ATF7: variants seen among roughly 807,000 people sequenced by gnomAD.
ATF7 encodes the protein activating transcription factor 7, also known as cyclic AMP-dependent transcription factor ATF-7.
Under a neutral mutation model 50.4 loss-of-function variants are expected in ATF7, and 10 were observed. That is an observed-to-expected ratio of 0.20 (90% CI 0.12 to 0.34). The LOEUF (loss-of-function observed/expected upper bound fraction) is 0.34, where lower values mean the gene tolerates loss of function less well. ATF7 is among the 10% of genes least tolerant of loss of function. The pLI is 1.00. For missense variants in ATF7, 465 were observed against 613.9 expected (o/e 0.76, Z 2.56); for synonymous variants, 201 against 226.4 (o/e 0.89, Z 1.01).
At chr12:53,599,582 C>G (rs973999676) in intron 2 of ATF7, among the ~76,000 whole-genome samples, 3 of 151,812 alleles carry the variant, frequency 2.0e-5, no homozygotes, top group Non-Finnish European at 4.4e-5. Context: ...GAATATGATG[C>G]CTTTTTTGGT....
At chr12:53,625,179 C>A (rs1302671916) in intron 1 of ATF7, among the ~76,000 whole-genome samples, 1 of 152,178 alleles carries the variant, frequency 6.6e-6, no homozygotes, top group African/African-American at 2.4e-5. Flanking sequence ...GAGAACATAA[C>A]AAGCAATTCA....
intron 6 of ATF7, among the ~76,000 whole-genome samples, 153 bp from the exon 7 acceptor site, chr12:53,533,412 G>T (rs921948430): frequency 5.3e-5 from 8 of 152,222 alleles, no homozygotes; most frequent in African/African-American, 1.9e-4. Context: ...AGGTGAGAAG[G>T]CAGGGAATCC....
chr12:53,604,953 T>G (rs568409707), intron 1 of ATF7, among the ~76,000 whole-genome samples: 1 of 152,338 alleles, frequency 6.6e-6, no homozygotes, highest in South Asian at 2.1e-4. Flanking sequence ...TCATTAAGAA[T>G]GATGGCTTAA....
In ATF7 at chr12:53,523,435, T is replaced by C. The variant is rs569183284; in HGVS notation, c.1126-51A>G. Reference sequence around the variant, plus strand: ...ATCAAGAAAATTCATCCTCTACTCTTGCACCCTCAGTGGCTGTTCCCAAAG... The same window carrying C: ...ATCAAGAAAATTCATCCTCTACTCTCGCACCCTCAGTGGCTGTTCCCAAAG... On this transcript the variant is annotated intron_variant, in intron 10 of 11. Coordinates refer to ENST00000420353, the MANE Select transcript of ATF7 (RefSeq NM_006856.3). The C allele has an allele frequency of 2.2e-6, 3 of 1,339,110 alleles. No homozygotes were observed. The African/African-American group carries it at 4.3e-5, about 19-fold the overall frequency. The allele number at this position is 1,339,110 out of a possible 1,614,324, so 83.0% of individuals were successfully genotyped here.
chr12:53,579,529 G>A (rs1472056205), intron 2 of ATF7, among the ~76,000 whole-genome samples: 1 of 149,192 alleles, frequency 6.7e-6, no homozygotes, highest in Non-Finnish European at 1.5e-5. Context: ...TCCACCCTGG[G>A]AGACAGTGCG....
chr12:53,580,859 C>T (rs1427193806), intron 2 of ATF7, among the ~76,000 whole-genome samples: 1 of 151,692 alleles, frequency 6.6e-6, no homozygotes, highest in African/African-American at 2.4e-5. Flanking sequence ...CACCTGTAAC[C>T]CCAGCACTTT....
chr12:53,594,973 T>C (rs1036156133), intron 2 of ATF7, among the ~76,000 whole-genome samples: 6 of 152,032 alleles, frequency 3.9e-5, no homozygotes, highest in Admixed American at 3.9e-4. Context: ...CACAGGTTAC[T>C]GCAGCATCCA....
intron 1 of ATF7, among the ~76,000 whole-genome samples, chr12:53,616,597 C>T (rs1944128089): frequency 6.6e-6 from 1 of 152,096 alleles, no homozygotes; most frequent in Admixed American, 6.6e-5. Flanking sequence ...ACTTTATGCA[C>T]ATTCTGGTTT....
intron 2 of ATF7, among the ~76,000 whole-genome samples, chr12:53,588,337 C>T (rs971073278): frequency 6.6e-6 from 1 of 152,078 alleles, no homozygotes; most frequent in Non-Finnish European, 1.5e-5. Context: ...GGATGTGAGA[C>T]CTGAGTGGAG....
intron 2 of ATF7, among the ~76,000 whole-genome samples, chr12:53,554,463 A>G (rs1470059065): frequency 6.6e-6 from 1 of 151,084 alleles, no homozygotes; most frequent in African/African-American, 2.4e-5. Flanking sequence ...GGGTGTGGTG[A>G]TGCTCACCTG....
intron 3 of ATF7, among the ~76,000 whole-genome samples, chr12:53,545,388 C>G (rs1258236666): frequency 6.6e-6 from 1 of 152,164 alleles, no homozygotes; most frequent in Non-Finnish European, 1.5e-5. Flanking sequence ...GGCGCAATCT[C>G]AGCTCACTGC....
Position 53,573,944 on chromosome 12 carries a change from C to T in ATF7, c.49-21307G>A, listed in dbSNP as rs547665693. Among the ~76,000 whole-genome samples, 339 of 152,322 alleles carry T rather than the reference C, an allele frequency of 2.2e-3. 2 individuals are homozygous for T. The highest frequency in any genetic ancestry group is 7.9e-3 in the African/African-American group (330 of 41,572). ...ACCAAAATATTGAGACCTAATCATA[C>T]GACAGTAGAACACTTCCAGTTCCCC... On this transcript the variant is annotated intron_variant, in intron 2 of 11. Coordinates refer to ENST00000420353, the MANE Select transcript of ATF7 (RefSeq NM_006856.3).
chr12:53,588,141 C>T (rs756781578), intron 2 of ATF7, among the ~76,000 whole-genome samples: 3 of 152,058 alleles, frequency 2.0e-5, no homozygotes, highest in South Asian at 4.1e-4. Flanking sequence ...TGAGCCACTG[C>T]GCCCGGCCAC....
At position 53,523,357 on chromosome 12, in the gene ATF7, C is replaced by A; in HGVS notation, c.1153G>T (p.Val385Leu). Residue 385 changes from valine (V) to leucine (L), a missense_variant, in exon 11 of 12, where the codon GTG becomes TTG. Val to Leu is a conservative substitution (Grantham distance 32, BLOSUM62 1). Coordinates refer to ENST00000420353, the MANE Select transcript of ATF7 (RefSeq NM_006856.3). ...SNEVTLLRNE[V>L]AQLKQLLLAH... ...AACAGTAGCTGTTTCAACTGGGCCACCTCATTGCGTAGTAATGTGACTTCA... is the reference window on the plus strand; with the variant it reads ...AACAGTAGCTGTTTCAACTGGGCCAACTCATTGCGTAGTAATGTGACTTCA... 6.2e-7 allele frequency: 1 copy of A among 1,613,824 alleles called. No homozygotes were observed. Among genetic ancestry groups the A allele is most frequent in the Non-Finnish European group, 8.5e-7 (1 of 1,179,804 alleles).
At chr12:53,626,248 T>A (rs1043747537) in intron 1 of ATF7, 31 bp downstream of exon 1, 1 of 152,808 alleles carries the variant, frequency 6.5e-6, no homozygotes, top group Non-Finnish European at 1.5e-5. Context: ...TCCCGTCAGA[T>A]CATGGACTAG....
chr12:53,508,246 T>G (rs75676184), downstream of ATF7: 1 of 138,818 alleles, frequency 7.2e-6, no homozygotes, highest in African/African-American at 2.7e-5. Context: ...AGCCTGTATC[T>G]TTTTTTTTTT....
At chr12:53,591,015 T>C (rs182283456) in intron 2 of ATF7, among the ~76,000 whole-genome samples, 4 of 152,300 alleles carry the variant, frequency 2.6e-5, no homozygotes, top group Non-Finnish European at 5.9e-5. Flanking sequence ...ATGAAAATTA[T>C]GGCCTTTAGT....
chr12:53,606,115 T>C (rs1307884158), intron 1 of ATF7, among the ~76,000 whole-genome samples: 1 of 151,970 alleles, frequency 6.6e-6, no homozygotes, highest in Non-Finnish European at 1.5e-5. Flanking sequence ...CTGCTAAAAA[T>C]GGAAAGAAGG....
chr12:53,547,072 C>T (rs1202174306), intron 3 of ATF7, among the ~76,000 whole-genome samples: 1 of 149,516 alleles, frequency 6.7e-6, no homozygotes. Context: ...GCAAGCTCCA[C>T]CTCCCGGGTT....
Sources: allele counts gnomAD v4.1 joint callset (sites outside exome capture counted in the v4.1 genomes callset), GRCh38; gene constraint gnomAD v4.1.1; transcripts MANE v1.5; gene names NCBI Gene and HGNC (gene_info 2026-07-23, HGNC 2026-07-21).